LPAR3: variants seen among roughly 807,000 people sequenced by gnomAD.
The protein encoded by LPAR3 is LPA receptor 3.
Under a neutral mutation model 17.8 loss-of-function variants are expected in LPAR3, and 7 were observed. The ratio of observed to expected loss-of-function variants is 0.39; its 90% CI spans 0.22 to 0.74. The LOEUF (loss-of-function observed/expected upper bound fraction) is 0.74. Among genes scored for constraint, LPAR3 ranks in the 30% least tolerant of loss-of-function variants. The probability of loss-of-function intolerance (pLI) is 0.40; values close to 1 mark genes in which losing one functional copy is unlikely to be tolerated. For synonymous variants in LPAR3, 179 were observed against 179.9 expected (o/e 0.99, Z 0.04); for missense variants, 391 against 453.4 (o/e 0.86, Z 1.25).
rs551748806 is a variant in LPAR3 at position 84,878,863 on chromosome 1, T to A, written c.-18-12725A>T. On this transcript the variant is annotated intron_variant, in intron 1 of 2. Coordinates refer to ENST00000370611, the MANE Select transcript of LPAR3 (RefSeq NM_012152.3). ...ACTCTCCCTCTCTCTGGTGTTTTCC[T>A]TGGGCTCAGGGTAGACTGCTGAAGC... 8.5e-5 allele frequency among the ~76,000 whole-genome samples: 13 copies of A among 152,314 alleles called. No homozygotes were observed. In the East Asian group the frequency reaches 2.5e-3, roughly 29 times the overall value.
intron 2 of LPAR3, among the ~76,000 whole-genome samples, chr1:84,839,421 C>A (rs1284734092): frequency 6.6e-6 from 1 of 152,128 alleles, no homozygotes. Context: ...TGGCTGTAAT[C>A]CCAGCACTTT....
intron 1 of LPAR3, among the ~76,000 whole-genome samples, chr1:84,871,365 A>C (rs772995810): frequency 4.9e-4 from 74 of 152,242 alleles, no homozygotes; most frequent in Non-Finnish European, 7.5e-4. Flanking sequence ...CAGAATGTGG[A>C]AACAATTATG....
At chr1:84,846,140 G>C (rs185189520) in intron 2 of LPAR3, among the ~76,000 whole-genome samples, 1 of 152,090 alleles carries the variant, frequency 6.6e-6, no homozygotes, top group African/African-American at 2.4e-5. Flanking sequence ...ATTCAAGATT[G>C]TAAGTTTACT....
chr1:84,882,078 A>C (rs1487282911), intron 1 of LPAR3, among the ~76,000 whole-genome samples: 1 of 152,240 alleles, frequency 6.6e-6, no homozygotes, highest in African/African-American at 2.4e-5. Context: ...TTATATGAAG[A>C]AATCACCAAA....
intron 1 of LPAR3, among the ~76,000 whole-genome samples, chr1:84,877,547 CCT>C (rs1299688647): frequency 6.6e-6 from 1 of 152,218 alleles, no homozygotes; most frequent in East Asian, 1.9e-4. Flanking sequence ...GCATTCTTAA[CCT>C]CTGTTCCTTC....
intron 1 of LPAR3, among the ~76,000 whole-genome samples, chr1:84,891,971 T>C (rs1056948589): frequency 4.6e-5 from 7 of 152,012 alleles, no homozygotes; most frequent in Non-Finnish European, 2.9e-5. Flanking sequence ...CCCAGCACTT[T>C]GGGATGCTGA....
At chr1:84,881,473 A>T (rs1221161013) in intron 1 of LPAR3, among the ~76,000 whole-genome samples, 1 of 152,246 alleles carries the variant, frequency 6.6e-6, no homozygotes, top group African/African-American at 2.4e-5. Flanking sequence ...GGCAGACAGC[A>T]CTTCCCAAGA....
At chr1:84,885,483 C>T (rs572356268) in intron 1 of LPAR3, among the ~76,000 whole-genome samples, 169 of 152,328 alleles carry the variant, frequency 1.1e-3, no homozygotes, top group Non-Finnish European at 2.0e-3. Context: ...TCTAATGAGA[C>T]TTTAAAATAT....
intron 1 of LPAR3, among the ~76,000 whole-genome samples, chr1:84,887,397 C>T (rs1313642549): frequency 1.3e-5 from 2 of 151,386 alleles, no homozygotes; most frequent in African/African-American, 4.9e-5. Flanking sequence ...AAAAGAATCA[C>T]CATTTGGCAA....
intron 2 of LPAR3, among the ~76,000 whole-genome samples, chr1:84,816,661 G>T (rs1271023277): frequency 6.6e-6 from 1 of 152,130 alleles, no homozygotes; most frequent in Non-Finnish European, 1.5e-5. Context: ...AGCTGGGCAT[G>T]GTGGCAGGCA....
At chr1:84,844,787 G>A (rs1462708078) in intron 2 of LPAR3, among the ~76,000 whole-genome samples, 1 of 152,110 alleles carries the variant, frequency 6.6e-6, no homozygotes, top group East Asian at 1.9e-4. Context: ...TACTCTGTGA[G>A]TACTATACAC....
At chr1:84,826,831 G>C (rs1048060350) in intron 2 of LPAR3, among the ~76,000 whole-genome samples, 6 of 152,020 alleles carry the variant, frequency 3.9e-5, no homozygotes, top group African/African-American at 1.4e-4. Flanking sequence ...ATCTTTTATT[G>C]TTCTCTTAAT....
At chr1:84,860,264 G>A (rs934784264) in intron 2 of LPAR3, among the ~76,000 whole-genome samples, 1 of 152,276 alleles carries the variant, frequency 6.6e-6, no homozygotes, top group East Asian at 1.9e-4. Flanking sequence ...GTTAGCTTTT[G>A]TGTTCAACCA....
chr1:84,834,428 G>A (rs77009854), intron 2 of LPAR3, among the ~76,000 whole-genome samples: 2 of 152,184 alleles, frequency 1.3e-5, no homozygotes, highest in African/African-American at 4.8e-5. Context: ...CAAATGAGAA[G>A]ATAGATGAGC....
intron 1 of LPAR3, among the ~76,000 whole-genome samples, chr1:84,883,621 T>C (rs1444799782): frequency 6.6e-6 from 1 of 152,204 alleles, no homozygotes; most frequent in Admixed American, 6.5e-5. Flanking sequence ...CACAGTGAGA[T>C]GGGCAGTTCA....
intron 2 of LPAR3, among the ~76,000 whole-genome samples, chr1:84,860,772 A>C (rs1035285082): frequency 7.9e-6 from 1 of 127,296 alleles, no homozygotes; most frequent in Non-Finnish European, 1.6e-5. Context: ...ACGGAGTCTC[A>C]CTGTCACCCA....
chr1:84,827,006 C>T (rs1165242713), intron 2 of LPAR3, among the ~76,000 whole-genome samples: 2 of 152,140 alleles, frequency 1.3e-5, no homozygotes, highest in Non-Finnish European at 2.9e-5. Context: ...CTGACTTTCC[C>T]AATTAATCTT....
chr1:84,827,162 T>C (rs1659174934), intron 2 of LPAR3, among the ~76,000 whole-genome samples: 1 of 152,262 alleles, frequency 6.6e-6, no homozygotes, highest in South Asian at 2.1e-4. Flanking sequence ...GTGTACAATG[T>C]GTGCCTTGTT....
chr1:84,831,760 C>T (rs957470444), intron 2 of LPAR3, among the ~76,000 whole-genome samples: 11 of 150,802 alleles, frequency 7.3e-5, no homozygotes, highest in South Asian at 2.1e-4. Flanking sequence ...TATAATAAAA[C>T]GTTCAAAATT....
Sources: gnomAD v4.1 joint callset for allele counts (sites outside exome capture counted in the v4.1 genomes callset) on GRCh38, gnomAD v4.1.1 for gene constraint, MANE v1.5 for transcripts, NCBI Gene and HGNC (gene_info 2026-07-23, HGNC 2026-07-21) for gene names.